The following LCT variants were observed in gnomAD, a reference collection of about 807,000 sequenced individuals.
The protein encoded by LCT is lactase/phlorizin hydrolase.
In LCT, 90 loss-of-function variants were observed where a neutral mutation model predicts 173.0. That is an observed-to-expected ratio of 0.52 (90% confidence interval 0.44 to 0.62). The LOEUF (loss-of-function observed/expected upper bound fraction) is 0.62, where lower values mean the gene tolerates loss of function less well. LCT is among the 20% of genes least tolerant of loss of function. LCT has a pLI of 0.00. For synonymous variants in LCT, 853 were observed against 957.6 expected, an observed-to-expected ratio of 0.89 and a Z score of 2.02; for missense variants, 1,864 against 2,431.4, an observed-to-expected ratio of 0.77 and a Z score of 4.91.
Position 135,800,764 on chromosome 2 carries a change from T to C in LCT, c.4709A>G (p.Asn1570Ser). 1 of 1,614,102 alleles carries C rather than the reference T, an allele frequency of 6.2e-7. No individual in the cohort carries two copies. The highest frequency in any genetic ancestry group is 1.1e-5 in the South Asian group (1 of 91,070). Residue 1570 changes from asparagine (N) to serine (S), a missense_variant, in exon 12 of 17, where the codon AAT becomes AGT. Coordinates refer to ENST00000264162, the MANE Select transcript of LCT (RefSeq NM_002299.4). ...PGTAPYIVGHNLIKAHAEAWH... is the reference protein window; with the variant it reads ...PGTAPYIVGHSLIKAHAEAWH... ...GGCCTCAGCATGAGCCTTTATTAGA[T>C]TGTGGCCAACAATGTAGGGGGCAGT...
intron 5 of LCT, among the ~76,000 whole-genome samples, chr2:135,818,297 C>G (rs2077798233): frequency 6.6e-6 from 1 of 152,158 alleles, no homozygotes; most frequent in African/African-American, 2.4e-5. Context: ...AACAATGCTA[C>G]TGTTCTCTGT....
intron 7 of LCT, among the ~76,000 whole-genome samples, chr2:135,810,608 A>G (rs2077727019): frequency 6.6e-6 from 1 of 152,202 alleles, no homozygotes; most frequent in Non-Finnish European, 1.5e-5. Context: ...ATCTTTTAAC[A>G]ATATGCTTTT....
At chr2:135,791,695 G>C (rs2077534451) in intron 14 of LCT, among the ~76,000 whole-genome samples, 2 of 152,202 alleles carry the variant, frequency 1.3e-5, no homozygotes, top group South Asian at 2.1e-4. Flanking sequence ...GGGAGAATCA[G>C]AAGGAGTAGA....
intron 16 of LCT, among the ~76,000 whole-genome samples, chr2:135,789,237 C>T (rs1199749288): frequency 6.6e-6 from 1 of 152,170 alleles, no homozygotes; most frequent in African/African-American, 2.4e-5. Flanking sequence ...TTTCATGGTC[C>T]CTTTATTTGA....
intron 11 of LCT, among the ~76,000 whole-genome samples, chr2:135,801,957 G>T (rs1056477345): frequency 2.6e-5 from 4 of 152,108 alleles, no homozygotes; most frequent in Non-Finnish European, 4.4e-5. Flanking sequence ...CGGCAGCCTT[G>T]AACTCCTGGG....
At chr2:135,816,059 A>G (rs62158999) in intron 6 of LCT, among the ~76,000 whole-genome samples, 1,905 of 152,304 alleles carry the variant, frequency 0.013, 32 homozygotes, top group South Asian at 0.053. Context: ...GCAGACTAAC[A>G]TGTCCATCCT....
chr2:135,836,008 ATATATATG>A (rs1366673406), intron 1 of LCT, among the ~76,000 whole-genome samples: 2,135 of 19,292 alleles, frequency 0.11, 176 homozygotes, highest in African/African-American at 0.13. Flanking sequence ...ATATATATAT[ATATATATG>A]TATACATATT....
At chr2:135,795,493 G>A (rs914237006) in intron 13 of LCT, among the ~76,000 whole-genome samples, 5 of 151,982 alleles carry the variant, frequency 3.3e-5, no homozygotes, top group Non-Finnish European at 5.9e-5. Flanking sequence ...ACAGGCATGA[G>A]CCACCACACC....
chr2:135,814,795 G>A (rs1047338245), intron 6 of LCT, among the ~76,000 whole-genome samples: 3 of 152,132 alleles, frequency 2.0e-5, no homozygotes, highest in African/African-American at 4.8e-5. Flanking sequence ...GATTACAGGT[G>A]TGAGCCACCG....
Position 135,822,040 on chromosome 2 carries a change from A to G in LCT, c.966T>C (p.Cys322=), listed in dbSNP as rs781555422. The G allele has an allele frequency of 1.0e-4, 165 of 1,605,212 alleles. No homozygotes were observed. The highest frequency in any genetic ancestry group is 4.2e-4 in the South Asian group (38 of 90,916). The change falls in exon 5 of 17, where the codon TGT becomes TGC. Residue 322 remains cysteine, a synonymous_variant. Coordinates refer to ENST00000264162, the MANE Select transcript of LCT (RefSeq NM_002299.4). ...IGFDINEFLS[C]SSSSKKSMSC... is the part of the protein sequence containing the mutation. ...ATTACCTTTTCTTGGAACTTGATGAACAACTCAGAAACTCATTAATATCAA... is the reference window on the plus strand; with the variant it reads ...ATTACCTTTTCTTGGAACTTGATGAGCAACTCAGAAACTCATTAATATCAA...
chr2:135,836,437 G>T, intron 1 of LCT, 93 bp downstream of exon 1: 1 of 1,141,796 alleles, frequency 8.8e-7, no homozygotes, highest in Non-Finnish European at 1.3e-6. Context: ...CTGAAGGTGA[G>T]TTGGGAGAAA....
At chr2:135,829,772 T>A in intron 2 of LCT, 96 bp from the exon 3 acceptor site, 1 of 814,052 alleles carries the variant, frequency 1.2e-6, no homozygotes, top group Non-Finnish European at 2.2e-6. Flanking sequence ...CCCTTATCAC[T>A]AAACCAAATA....
chr2:135,799,839 C>G (rs2105524928), intron 12 of LCT, among the ~76,000 whole-genome samples: 1 of 152,272 alleles, frequency 6.6e-6, no homozygotes, highest in African/African-American at 2.4e-5. Flanking sequence ...AAATTAGGGG[C>G]ACTAATGAGT....
At chr2:135,797,239 C>T (rs774840142) in intron 13 of LCT, among the ~76,000 whole-genome samples, 1 of 152,164 alleles carries the variant, frequency 6.6e-6, no homozygotes, top group Non-Finnish European at 1.5e-5. Context: ...TGAGCCACCG[C>T]ACCCGGCCTG....
intron 6 of LCT, among the ~76,000 whole-genome samples, chr2:135,815,699 A>G (rs1400728413): frequency 4.0e-5 from 6 of 151,656 alleles, no homozygotes; most frequent in African/African-American, 1.5e-4. Flanking sequence ...TATTATTATT[A>G]TTATTTTTGA....
chr2:135,800,580 G>A, intron 12 of LCT, 27 bp downstream of exon 12: 2 of 1,570,070 alleles, frequency 1.3e-6, no homozygotes, highest in Non-Finnish European at 1.8e-6. Flanking sequence ...ACAAGAGTAA[G>A]AACAAGCGCC....
chr2:135,794,869 C>T, intron 13 of LCT, 94 bp from the exon 14 acceptor site: 5 of 1,438,822 alleles, frequency 3.5e-6, no homozygotes, highest in Non-Finnish European at 4.9e-6. Context: ...GCTCTCCGAA[C>T]CCCAGGCACT....
intron 1 of LCT, among the ~76,000 whole-genome samples, chr2:135,835,513 T>C (rs2077980504): frequency 7.8e-6 from 1 of 127,672 alleles, no homozygotes; most frequent in Non-Finnish European, 1.6e-5. Flanking sequence ...TATATATATA[T>C]ATATATATAT....
intron 13 of LCT, among the ~76,000 whole-genome samples, chr2:135,797,825 C>T (rs1167589572): frequency 1.3e-5 from 2 of 152,224 alleles, no homozygotes; most frequent in Non-Finnish European, 2.9e-5. Context: ...AACAGATTTC[C>T]TGGCTGTTCC....
Sources: allele counts gnomAD v4.1 joint callset (sites outside exome capture counted in the v4.1 genomes callset), GRCh38; gene constraint gnomAD v4.1.1; transcripts MANE v1.5; gene names NCBI Gene and HGNC (gene_info 2026-07-23, HGNC 2026-07-21).